Variants in TENM2 observed in about 807,000 individuals in gnomAD.
The protein encoded by TENM2 is teneurin-2.
TENM2 carries 52 observed loss-of-function variants against 245.2 expected under a neutral mutation model. That is an observed-to-expected ratio of 0.21 (90% CI 0.17 to 0.27). TENM2 has a LOEUF of 0.27. Ranked by LOEUF, TENM2 falls within the 10% of genes least tolerant of loss-of-function variation. TENM2 has a pLI of 1.00. For synonymous variants in TENM2, 1,363 were observed against 1,438.9 expected, an observed-to-expected ratio of 0.95 and a Z score of 1.19; for missense variants, 3,046 against 3,666.8, an observed-to-expected ratio of 0.83 and a Z score of 4.37.
the TENM2 span, among the ~76,000 whole-genome samples, chr5:167,196,971 T>C: frequency 6.6e-6 from 1 of 151,922 alleles, no homozygotes; most frequent in South Asian, 2.1e-4. Context: ...ACTCCTGTTA[T>C]GTCTGTAGCA....
At chr5:167,359,118 A>C (rs781703704) in intron 1 of TENM2, among the ~76,000 whole-genome samples, 1 of 152,178 alleles carries the variant, frequency 6.6e-6, no homozygotes, top group African/African-American at 2.4e-5. Flanking sequence ...AGCAAATCTC[A>C]GAAGAGCAAT....
the TENM2 span, among the ~76,000 whole-genome samples, chr5:167,247,224 G>A: frequency 6.6e-6 from 1 of 152,090 alleles, no homozygotes; most frequent in Non-Finnish European, 1.5e-5. Context: ...TTAAGGAACT[G>A]CTCAAGGTCA....
At chr5:167,368,176 C>T (rs1190075074) in intron 1 of TENM2, among the ~76,000 whole-genome samples, 1 of 151,820 alleles carries the variant, frequency 6.6e-6, no homozygotes, top group Non-Finnish European at 1.5e-5. Flanking sequence ...AAAAATAAAC[C>T]TAATTATCAA....
intron 5 of TENM2, among the ~76,000 whole-genome samples, chr5:168,033,877 A>G (rs1053969867): frequency 6.6e-5 from 10 of 151,790 alleles, no homozygotes; most frequent in African/African-American, 2.4e-4. Flanking sequence ...AAATACAAAA[A>G]TTAGCCAGGT....
intron 2 of TENM2, among the ~76,000 whole-genome samples, chr5:167,473,831 C>T (rs1767193727): frequency 6.6e-6 from 1 of 150,574 alleles, no homozygotes; most frequent in Non-Finnish European, 1.5e-5. Flanking sequence ...AATTTGATGA[C>T]CTGAGAATTT....
chr5:167,377,555 A>G (rs1404700379), intron 2 of TENM2, among the ~76,000 whole-genome samples: 1 of 152,202 alleles, frequency 6.6e-6, no homozygotes, highest in Non-Finnish European at 1.5e-5. Flanking sequence ...GAGGTACATA[A>G]TGTATCTTCT....
chr5:167,478,590 T>A (rs1245955299), intron 2 of TENM2, among the ~76,000 whole-genome samples: 1 of 152,222 alleles, frequency 6.6e-6, no homozygotes, highest in Non-Finnish European at 1.5e-5. Flanking sequence ...GAAATACTTG[T>A]AACCTTTCTG....
chr5:167,979,230 A>G (rs1157294704), intron 4 of TENM2, among the ~76,000 whole-genome samples: 1 of 152,152 alleles, frequency 6.6e-6, no homozygotes, highest in Non-Finnish European at 1.5e-5. Context: ...AGAATGCTAA[A>G]TGGATTCTTC....
intron 7 of TENM2, among the ~76,000 whole-genome samples, chr5:168,075,304 T>C (rs574295240): frequency 6.6e-6 from 1 of 152,346 alleles, no homozygotes; most frequent in South Asian, 2.1e-4. Flanking sequence ...CCATGGTATA[T>C]ATATACCACA....
At chr5:167,848,082 C>A (rs4869078) in intron 2 of TENM2, among the ~76,000 whole-genome samples, 75,391 of 151,992 alleles carry the variant, frequency 0.5, 19,385 homozygotes, top group Middle Eastern at 0.57. Context: ...CTCAACATAC[C>A]TGCTGAGCAT....
At chr5:168,259,231 G>T (rs1251847643) in intron 27 of TENM2, among the ~76,000 whole-genome samples, 1 of 152,110 alleles carries the variant, frequency 6.6e-6, no homozygotes, top group Non-Finnish European at 1.5e-5. Context: ...CTTGATGTTG[G>T]CCTGTGTGGC....
At chr5:167,349,829 A>G (rs945892689) in intron 1 of TENM2, among the ~76,000 whole-genome samples, 2 of 152,252 alleles carry the variant, frequency 1.3e-5, no homozygotes, top group Admixed American at 6.5e-5. Flanking sequence ...CTCTTTTCTT[A>G]TATACATGAA....
intron 2 of TENM2, among the ~76,000 whole-genome samples, chr5:167,737,156 C>G (rs1325303983): frequency 2.6e-5 from 4 of 152,172 alleles, no homozygotes; most frequent in Non-Finnish European, 5.9e-5. Flanking sequence ...TAGCCAGTTC[C>G]AAGAGCCAGT....
At chr5:168,245,407 C>T (rs780848858) in intron 26 of TENM2, among the ~76,000 whole-genome samples, 5 of 152,002 alleles carry the variant, frequency 3.3e-5, no homozygotes, top group South Asian at 2.1e-4. Context: ...TAAATTAAGC[C>T]GTCAGGATGG....
chr5:167,236,537 T>C, the TENM2 span, among the ~76,000 whole-genome samples: 1 of 152,208 alleles, frequency 6.6e-6, no homozygotes, highest in Admixed American at 6.5e-5. Flanking sequence ...TGGGTCCTAC[T>C]TTTTCTGTTT....
intron 2 of TENM2, among the ~76,000 whole-genome samples, chr5:167,738,270 G>T (rs1163785965): frequency 6.6e-6 from 1 of 152,134 alleles, no homozygotes; most frequent in Non-Finnish European, 1.5e-5. Context: ...GCGTAGCATT[G>T]GGGGGCTGTT....
At chr5:167,111,225 G>C in the TENM2 span, among the ~76,000 whole-genome samples, 1 of 151,972 alleles carries the variant, frequency 6.6e-6, no homozygotes, top group Non-Finnish European at 1.5e-5. Context: ...TAAAATCAAT[G>C]GGTTTGCTCT....
chr5:167,287,274 C>G (rs532634544), intron 1 of TENM2: 10 of 152,304 alleles, frequency 6.6e-5, no homozygotes, highest in African/African-American at 2.4e-4. Context: ...CCACTACAGA[C>G]AGGGTTAAAA....
chr5:167,890,788 A>G (rs545126928), intron 3 of TENM2, among the ~76,000 whole-genome samples: 2 of 152,158 alleles, frequency 1.3e-5, no homozygotes, highest in Non-Finnish European at 2.9e-5. Context: ...AATGATGATG[A>G]TAATGATAAT....
Sources: allele counts gnomAD v4.1 joint callset (sites outside exome capture counted in the v4.1 genomes callset), GRCh38; gene constraint gnomAD v4.1.1; transcripts MANE v1.5; gene names NCBI Gene and HGNC (gene_info 2026-07-23, HGNC 2026-07-21).